The following GALNT13 variants were observed in gnomAD, a reference collection of about 807,000 sequenced individuals.
The protein encoded by GALNT13 is polypeptide N-acetylgalactosaminyltransferase 13, also known as UDP-GalNAc:polypeptide N-acetylgalactosaminyltransferase 13.
GALNT13 carries 28 observed loss-of-function variants against 64.2 expected under a neutral mutation model. That is an observed-to-expected ratio of 0.44 (90% CI 0.32 to 0.60). GALNT13 has a LOEUF of 0.60. GALNT13 is among the 20% of genes least tolerant of loss of function. The probability of loss-of-function intolerance (pLI) is 0.05; values close to 1 mark genes in which losing one functional copy is unlikely to be tolerated. For missense variants in GALNT13, 577 were observed against 669.8 expected (o/e 0.86, Z 1.53); for synonymous variants, 214 against 224.6 (o/e 0.95, Z 0.42).
At chr2:154,211,451 A>G (rs1321096801) in intron 4 of GALNT13, among the ~76,000 whole-genome samples, 1 of 151,162 alleles carries the variant, frequency 6.6e-6, no homozygotes, top group Non-Finnish European at 1.5e-5. Flanking sequence ...ACATGGAAAA[A>G]CCCTGTCTCT....
chr2:154,159,247 G>A (rs1684597953), intron 4 of GALNT13, among the ~76,000 whole-genome samples: 1 of 151,968 alleles, frequency 6.6e-6, no homozygotes, highest in African/African-American at 2.4e-5. Flanking sequence ...AAATTCTCCT[G>A]CCTCAGCATC....
chr2:153,356,804 T>C, the GALNT13 span, among the ~76,000 whole-genome samples: 85 of 137,702 alleles, frequency 6.2e-4, 2 homozygotes, highest in African/African-American at 2.3e-3. Context: ...TTTTTTTTTT[T>C]TTTTTTTTTT....
chr2:153,475,610 T>C, the GALNT13 span, among the ~76,000 whole-genome samples: 1 of 152,184 alleles, frequency 6.6e-6, no homozygotes, highest in African/African-American at 2.4e-5. Flanking sequence ...CAATTTAAAA[T>C]TGACCTGTAG....
the GALNT13 span, among the ~76,000 whole-genome samples, chr2:153,777,388 G>T: frequency 2.6e-5 from 4 of 152,168 alleles, no homozygotes; most frequent in Non-Finnish European, 5.9e-5. Flanking sequence ...GGATGCTATG[G>T]TCTGAATGTT....
chr2:154,059,299 A>G (rs1469653451), intron 3 of GALNT13, among the ~76,000 whole-genome samples: 4 of 152,266 alleles, frequency 2.6e-5, no homozygotes, highest in Non-Finnish European at 5.9e-5. Flanking sequence ...TAGGGAAAAT[A>G]ACCATGTTAT....
chr2:153,790,865 A>G, the GALNT13 span, among the ~76,000 whole-genome samples: 1 of 152,174 alleles, frequency 6.6e-6, no homozygotes, highest in African/African-American at 2.4e-5. Context: ...ACACAAAAAG[A>G]AATAAAATAC....
the GALNT13 span, among the ~76,000 whole-genome samples, chr2:153,298,344 C>T: frequency 6.6e-5 from 10 of 152,084 alleles, no homozygotes; most frequent in South Asian, 2.1e-4. Flanking sequence ...CCTTCGTGAC[C>T]GGACTGAAGA....
At position 154,450,727 on chromosome 2, in the gene GALNT13, G is replaced by GT. The variant is rs1200299877; in HGVS notation, c.*177dup. ...TTTGCTTATTTCCCTACTAAAATTT[G>GT]TATCTGATCAAAGCACATAAGAATA... On this transcript the variant is annotated 3_prime_UTR_variant, in exon 13 of 13. Transcript: ENST00000392825. 16 of 567,206 alleles carry GT rather than the reference G, an allele frequency of 2.8e-5. No individual in the cohort carries two copies. The highest frequency in any genetic ancestry group is 1.5e-4 in the Admixed American group (4 of 27,370). 35.1% of individuals were successfully genotyped at this position (567,206 alleles called of 1,614,324 possible). A position where few individuals can be genotyped will look rare whatever the true frequency, so the allele number is the denominator to read the frequency against.
chr2:153,082,608 T>C, the GALNT13 span, among the ~76,000 whole-genome samples: 1 of 44,934 alleles, frequency 2.2e-5, no homozygotes, highest in African/African-American at 1.0e-4. Flanking sequence ...TATATATATA[T>C]ATATATATAT....
chr2:154,263,296 A>G (rs1254612297), intron 8 of GALNT13, among the ~76,000 whole-genome samples: 1 of 152,166 alleles, frequency 6.6e-6, no homozygotes, highest in African/African-American at 2.4e-5. Flanking sequence ...CAGAAAGATA[A>G]CAGTACTTTC....
chr2:154,298,293 T>C (rs559970025), intron 8 of GALNT13, among the ~76,000 whole-genome samples: 32 of 150,140 alleles, frequency 2.1e-4, no homozygotes, highest in African/African-American at 6.6e-4. Context: ...ATAAACAGTA[T>C]TTTTTACAGT....
At chr2:153,599,515 C>A in the GALNT13 span, among the ~76,000 whole-genome samples, 1 of 151,954 alleles carries the variant, frequency 6.6e-6, no homozygotes, top group South Asian at 2.1e-4. Context: ...CAAATTTTGT[C>A]CATTGTACTG....
At chr2:153,633,958 C>T in the GALNT13 span, among the ~76,000 whole-genome samples, 1 of 152,030 alleles carries the variant, frequency 6.6e-6, no homozygotes, top group Non-Finnish European at 1.5e-5. Flanking sequence ...ATTCTACAGA[C>T]CCTAAAGATT....
the GALNT13 span, among the ~76,000 whole-genome samples, chr2:153,842,511 A>G: frequency 6.6e-6 from 1 of 152,174 alleles, no homozygotes; most frequent in Non-Finnish European, 1.5e-5. Context: ...AGACTAAAAA[A>G]CAACTTCAAA....
chr2:153,074,630 C>T, the GALNT13 span, among the ~76,000 whole-genome samples: 2 of 152,184 alleles, frequency 1.3e-5, no homozygotes, highest in East Asian at 1.9e-4. Flanking sequence ...TTTTCAGCTT[C>T]GTTATAATAT....
rs199790267 is a variant in GALNT13 at position 153,886,178 on chromosome 2, G to GA, written c.-177+13887dup. Among the ~76,000 whole-genome samples, 927 of 130,898 alleles carry GA rather than the reference G, an allele frequency of 7.1e-3. 1 individual carries two copies. Among genetic ancestry groups the GA allele is most frequent in the Middle Eastern group, 0.013 (3 of 236 alleles). The allele number at this position is 130,898 out of a possible 152,430, so 85.9% of individuals were successfully genotyped here. ...ATAAAAGGATAGGGGATTCTGAACT[G>GA]AAAAAAAAAAAACAAATTAACAATG... is the stretch of plus-strand genomic sequence containing the variant. On this transcript the variant is annotated intron_variant, in intron 1 of 12. Transcript: ENST00000392825.
chr2:153,726,110 G>A, the GALNT13 span, among the ~76,000 whole-genome samples: 1 of 151,908 alleles, frequency 6.6e-6, no homozygotes, highest in Non-Finnish European at 1.5e-5. Context: ...TGTATATTTG[G>A]AATGGCTTTT....
rs1691050408 is a variant in GALNT13 at position 153,937,795 on chromosome 2, GTT to G, written c.-104-6597_-104-6596del. On this transcript the variant is annotated intron_variant, in intron 2 of 12. Transcript: ENST00000392825. ...ACAAGTTGCTAGAAAGGAGTACACG[GTT>G]TATGGCCAACCTATACCAAATGCTG... Among the ~76,000 whole-genome samples, 5 of 152,268 alleles carry G rather than the reference GTT, an allele frequency of 3.3e-5. No homozygotes were observed. The South Asian group carries it at 8.3e-4, about 25-fold the overall frequency.
chr2:153,586,951 G>T, the GALNT13 span, among the ~76,000 whole-genome samples: 1 of 151,594 alleles, frequency 6.6e-6, no homozygotes. Context: ...AAAGAAATTG[G>T]CTGGGCACAG....
Sources: allele counts gnomAD v4.1 joint callset (sites outside exome capture counted in the v4.1 genomes callset), GRCh38; gene constraint gnomAD v4.1.1; transcripts MANE v1.5; gene names NCBI Gene and HGNC (gene_info 2026-07-23, HGNC 2026-07-21).